Variants in TCP11L1 observed in about 807,000 individuals in gnomAD.
TCP11L1 encodes the protein t-complex 11 like 1, also known as T-complex protein 11-like protein 1.
In TCP11L1, 28 loss-of-function variants were observed where a neutral mutation model predicts 48.9. The observed-to-expected ratio is 0.57, with a 90% CI of 0.42 to 0.78. TCP11L1 has a LOEUF of 0.78. Ranked by LOEUF, TCP11L1 falls within the 30% of genes least tolerant of loss-of-function variation. The pLI is 0.00. For synonymous variants in TCP11L1, 204 were observed against 231.9 expected (o/e 0.88, Z 1.09); for missense variants, 505 against 613.4 (o/e 0.82, Z 1.87).
In TCP11L1 at chr11:33,061,584, C is replaced by G. The variant is rs1368591638; in HGVS notation, c.830C>G (p.Thr277Ser). 6.2e-7 allele frequency: 1 copy of G among 1,611,642 alleles called. No homozygotes were observed. The highest frequency in any genetic ancestry group is 8.5e-7 in the Non-Finnish European group (1 of 1,179,002). Residue 277 changes from threonine (T) to serine (S), a missense_variant, in exon 7 of 10, where the codon ACT becomes AGT. Transcript: ENST00000334274. ...GAAGAAGCCTCAGAGGACCTTATGA[C>G]TCAGAAGTATAAACACGCCCTGCCA... ...WLEEASEDLM[T>S]QKYKHALPVG...
chr11:33,051,987 C>CA (rs1450506065), intron 2 of TCP11L1, among the ~76,000 whole-genome samples: 2 of 152,040 alleles, frequency 1.3e-5, no homozygotes, highest in East Asian at 1.9e-4. Context: ...TCAGTTTCAA[C>CA]AAAAAAGCCT....
chr11:33,069,491 C>T (rs1047349601), intron 9 of TCP11L1, among the ~76,000 whole-genome samples: 2 of 151,890 alleles, frequency 1.3e-5, no homozygotes, highest in African/African-American at 4.8e-5. Context: ...TATTAGTTAT[C>T]ACAGCAATGG....
rs142292504 is a variant in TCP11L1 at position 33,059,093 on chromosome 11, C to G, written c.773C>G (p.Pro258Arg). ...KKFQEILERQ[P>R]NSLDFVTQWL... is the part of the protein sequence containing the mutation. Reference sequence around the variant, plus strand: ...TTTCAAGAGATTTTGGAGAGGCAACCAAGTATGTTGAATATTTTGTGGTAC... The same window carrying G: ...TTTCAAGAGATTTTGGAGAGGCAACGAAGTATGTTGAATATTTTGTGGTAC... Residue 258 changes from proline (P) to arginine (R), a missense_variant and splice_region_variant, in exon 6 of 10, where the codon CCA (proline) becomes CGA (arginine). Physicochemically the swap from Pro to Arg is moderately radical, Grantham distance 103. Transcript: ENST00000334274. 8 of 1,613,288 alleles carry G rather than the reference C, an allele frequency of 5.0e-6. No individual in the cohort carries two copies. The highest frequency in any genetic ancestry group is 1.1e-5 in the South Asian group (1 of 90,838).
In TCP11L1 at chr11:33,059,141, T is replaced by C. The variant is rs573296536; in HGVS notation, c.775+46T>C. The C allele has an allele frequency of 1.0e-5, 16 of 1,601,812 alleles. No individual in the cohort carries two copies. The African/African-American group carries it at 2.0e-4, about 20-fold the overall frequency. ...TACTTTTTTTGTTGTCTGTGGTTTT[T>C]CATTTTAGCTGCCATAGCTTGTTGC... On this transcript the variant is annotated intron_variant, in intron 6 of 9. Transcript: ENST00000334274.
At chr11:33,050,747 A>G (rs1316781166) in intron 2 of TCP11L1, among the ~76,000 whole-genome samples, 2 of 152,120 alleles carry the variant, frequency 1.3e-5, no homozygotes, top group African/African-American at 4.8e-5. Flanking sequence ...TTTATTTTGT[A>G]GTTTGAGTTT....
chr11:33,057,078 G>T, intron 3 of TCP11L1, 37 bp from the exon 4 acceptor site: 3 of 1,611,928 alleles, frequency 1.9e-6, no homozygotes, highest in Non-Finnish European at 1.7e-6. Context: ...AAATATTTTG[G>T]TTTTTGCCCC....
Position 33,056,886 on chromosome 11 carries a change from A to C in TCP11L1, c.297-229A>C, listed in dbSNP as rs184302265. 9.2e-5 allele frequency among the ~76,000 whole-genome samples: 14 copies of C among 152,348 alleles called. No homozygotes were observed. The East Asian group carries it at 2.3e-3, about 25-fold the overall frequency. Reference sequence around the variant, plus strand: ...GCTGTTTCTTGGATTAATGTTGGCTATCCAGTTAGTTGAGAGCGATTCTTT... The same window carrying C: ...GCTGTTTCTTGGATTAATGTTGGCTCTCCAGTTAGTTGAGAGCGATTCTTT... On this transcript the variant is annotated intron_variant, in intron 3 of 9. Transcript: ENST00000334274.
intron 2 of TCP11L1, among the ~76,000 whole-genome samples, chr11:33,047,912 C>T (rs1854046343): frequency 6.6e-6 from 1 of 152,188 alleles, no homozygotes; most frequent in Non-Finnish European, 1.5e-5. Context: ...TGTCCGTCCA[C>T]TTATGTAACT....
chr11:33,041,056 TGTCAACTA>T (rs1322010721), intron 1 of TCP11L1: 1 of 152,204 alleles, frequency 6.6e-6, no homozygotes, highest in Non-Finnish European at 1.5e-5. Flanking sequence ...AAATGCCAAA[TGTCAACTA>T]GCCAGCCCTG....
At chr11:33,047,021 G>A (rs1002552941) in intron 2 of TCP11L1, among the ~76,000 whole-genome samples, 2 of 152,154 alleles carry the variant, frequency 1.3e-5, no homozygotes, top group African/African-American at 2.4e-5. Context: ...TCAGGAGTTC[G>A]AGACCAACCT....
rs112829533 is a variant in TCP11L1, at chr11:33,057,243, A to C, written c.417+8A>C. ...GTAGGAGAAATCAAAGAGGTGAGGC[A>C]AAGAGTGAATTGTGATGCTTTTCTG... is the stretch of plus-strand genomic sequence containing the variant. On this transcript the variant is annotated splice_region_variant and intron_variant, in intron 4 of 9. Transcript: ENST00000334274. The C allele has an allele frequency of 1.7e-4, 280 of 1,614,116 alleles. No homozygotes were observed. The African/African-American group carries it at 3.4e-3, about 19-fold the overall frequency.
At chr11:33,050,822 T>TC (rs1279979732) in intron 2 of TCP11L1, among the ~76,000 whole-genome samples, 1 of 149,376 alleles carries the variant, frequency 6.7e-6, no homozygotes, top group Non-Finnish European at 1.5e-5. Context: ...CTGTGATTCT[T>TC]TTTTTTTTTT....
In TCP11L1 at chr11:33,072,845, A is replaced by G; in HGVS notation, c.*169A>G. 1.4e-6 allele frequency: 1 copy of G among 706,890 alleles called. No individual in the cohort carries two copies. Among genetic ancestry groups the G allele is most frequent in the Non-Finnish European group, 2.3e-6 (1 of 429,374 alleles). 43.8% of individuals were successfully genotyped at this position (706,890 alleles called of 1,614,324 possible). ...GTTGAAAAGACTTGTTGAGAAATCC[A>G]CTGAATTCTATTTTGAGAGATTGTA... On this transcript the variant is annotated 3_prime_UTR_variant, in exon 10 of 10. Coordinates refer to ENST00000334274, the MANE Select transcript of TCP11L1 (RefSeq NM_018393.4).
chr11:33,053,875 G>T (rs1411099491), intron 2 of TCP11L1, among the ~76,000 whole-genome samples: 1 of 151,928 alleles, frequency 6.6e-6, no homozygotes, highest in Non-Finnish European at 1.5e-5. Context: ...TGTTACCCAG[G>T]CTTGAGTGCA....
At chr11:33,066,100 G>C in intron 8 of TCP11L1, 89 bp downstream of exon 8, 2 of 1,520,160 alleles carry the variant, frequency 1.3e-6, no homozygotes, top group Non-Finnish European at 1.8e-6. Context: ...CTGTAAGGCA[G>C]AGCCCAGGGC....
intron 2 of TCP11L1, among the ~76,000 whole-genome samples, chr11:33,049,962 T>TA (rs753774648): frequency 1.3e-4 from 20 of 152,328 alleles, no homozygotes; most frequent in Non-Finnish European, 2.2e-4. Flanking sequence ...CTGGCTTTCC[T>TA]AGGCAGAGGC....
At chr11:33,060,448 C>A (rs1257757449) in intron 6 of TCP11L1, among the ~76,000 whole-genome samples, 1 of 152,112 alleles carries the variant, frequency 6.6e-6, no homozygotes, top group African/African-American at 2.4e-5. Context: ...GCTGCATCCC[C>A]CTGCCCCAGT....
chr11:33,067,804 G>A (rs1451525659), intron 8 of TCP11L1, among the ~76,000 whole-genome samples: 1 of 152,064 alleles, frequency 6.6e-6, no homozygotes, highest in East Asian at 1.9e-4. Flanking sequence ...CAGCATGGGG[G>A]CTCCCCACAG....
intron 7 of TCP11L1, 141 bp downstream of exon 7, chr11:33,061,867 G>A: frequency 1.2e-6 from 1 of 833,458 alleles, no homozygotes; most frequent in Non-Finnish European, 1.7e-6. Context: ...GATTGCTTGA[G>A]GTCAGGAGTT....
Sources: gnomAD v4.1 joint callset for allele counts (sites outside exome capture counted in the v4.1 genomes callset) on GRCh38, gnomAD v4.1.1 for gene constraint, MANE v1.5 for transcripts, NCBI Gene and HGNC (gene_info 2026-07-23, HGNC 2026-07-21) for gene names.